The following IQANK1 variants were observed in gnomAD, a reference collection of about 807,000 sequenced individuals.
The protein encoded by IQANK1 is IQ motif and ankyrin repeat domain-containing protein 1.
In IQANK1, 30 loss-of-function variants were observed where a neutral mutation model predicts 22.6. The observed-to-expected ratio is 1.33, with a 90% CI of 0.99 to 1.80. The LOEUF (loss-of-function observed/expected upper bound fraction) is 1.80. Among genes scored for constraint, IQANK1 ranks in the 40% most tolerant of loss-of-function variants. The probability of loss-of-function intolerance (pLI) is 0.00; values close to 1 mark genes in which losing one functional copy is unlikely to be tolerated. For missense variants in IQANK1, 275 were observed against 235.2 expected (o/e 1.17, Z -1.11); for synonymous variants, 122 against 99.6 (o/e 1.23, Z -1.34).
intron 7 of IQANK1, among the ~76,000 whole-genome samples, chr8:143,780,827 T>C (rs1819784047): frequency 1.3e-5 from 2 of 152,232 alleles, no homozygotes; most frequent in Admixed American, 1.3e-4. Context: ...TTTATATTCC[T>C]CTGGGTATAT....
chr8:143,790,319 CCACCCTGGCCT>C lies in IQANK1; in HGVS notation c.1425-26_1425-16del. Reference sequence around the variant, plus strand: ...TACACCCCACCCCACCTCCCTAGCCCCACCCTGGCCTCACCAGCCTCATGGGGCAGGTATGG... The same window carrying C: ...TACACCCCACCCCACCTCCCTAGCCCCACCAGCCTCATGGGGCAGGTATGG... On this transcript the variant is annotated intron_variant, in intron 13 of 13. Transcript: ENST00000527139. 1 of 1,228,578 alleles carries C rather than the reference CCACCCTGGCCT, an allele frequency of 8.1e-7. No homozygotes were observed. Among genetic ancestry groups the C allele is most frequent in the Non-Finnish European group, 1.0e-6 (1 of 984,788 alleles). 76.1% of individuals were successfully genotyped at this position (1,228,578 alleles called of 1,614,324 possible). A position where few individuals can be genotyped will look rare whatever the true frequency, so the allele number is the denominator to read the frequency against.
intron 7 of IQANK1, among the ~76,000 whole-genome samples, chr8:143,777,932 C>T (rs1016723865): frequency 7.2e-5 from 11 of 152,120 alleles, no homozygotes; most frequent in Non-Finnish European, 2.9e-5. Flanking sequence ...CGGTGGCTCA[C>T]GCCTGTAATC....
chr8:143,752,342 T>C (rs1035612254), intron 3 of IQANK1, among the ~76,000 whole-genome samples: 1 of 152,196 alleles, frequency 6.6e-6, no homozygotes, highest in Non-Finnish European at 1.5e-5. Flanking sequence ...TGCTTGTCAT[T>C]TTATTGAGGA....
At chr8:143,738,008 C>A (rs1202367108) in intron 2 of IQANK1, among the ~76,000 whole-genome samples, 1 of 152,226 alleles carries the variant, frequency 6.6e-6, no homozygotes, top group Non-Finnish European at 1.5e-5. Context: ...CGGCACCGGT[C>A]TCGAGGCTGC....
intron 3 of IQANK1, among the ~76,000 whole-genome samples, chr8:143,740,730 C>T (rs1479839077): frequency 6.6e-6 from 1 of 152,200 alleles, no homozygotes; most frequent in East Asian, 1.9e-4. Context: ...AGCCACCTGT[C>T]CTCCCCAGCC....
At chr8:143,764,857 A>T (rs1554629109) in intron 3 of IQANK1, among the ~76,000 whole-genome samples, 1 of 152,158 alleles carries the variant, frequency 6.6e-6, no homozygotes, top group African/African-American at 2.4e-5. Flanking sequence ...AAAATCTCTT[A>T]AAAATTGTGT....
At chr8:143,740,274 G>A (rs986105281) in intron 3 of IQANK1, among the ~76,000 whole-genome samples, 4 of 151,972 alleles carry the variant, frequency 2.6e-5, no homozygotes, top group Non-Finnish European at 2.9e-5. Context: ...CCTCCATCCC[G>A]GGTCCGCCGC....
intron 7 of IQANK1, among the ~76,000 whole-genome samples, chr8:143,777,196 A>G (rs1724291582): frequency 6.6e-6 from 1 of 152,070 alleles, no homozygotes. Flanking sequence ...ATACATTATC[A>G]TATATACATA....
intron 3 of IQANK1, among the ~76,000 whole-genome samples, chr8:143,748,976 AT>A (rs1442091445): frequency 2.7e-5 from 3 of 112,794 alleles, no homozygotes; most frequent in Non-Finnish European, 5.1e-5. Flanking sequence ...TCATATATAA[AT>A]ATATCATATA....
At chr8:143,787,752 C>T (rs1393169755) in intron 7 of IQANK1, among the ~76,000 whole-genome samples, 1 of 150,936 alleles carries the variant, frequency 6.6e-6, no homozygotes, top group Non-Finnish European at 1.5e-5. Flanking sequence ...GCGCACCCCA[C>T]CTCCTTCCCC....
At chr8:143,768,663 T>C (rs934684804) in intron 3 of IQANK1, among the ~76,000 whole-genome samples, 5 of 152,176 alleles carry the variant, frequency 3.3e-5, no homozygotes, top group Admixed American at 2.0e-4. Context: ...TTTGTATCAC[T>C]GTGGACTCAC....
chr8:143,788,528 C>T (rs564581944), intron 7 of IQANK1, among the ~76,000 whole-genome samples: 4 of 152,198 alleles, frequency 2.6e-5, no homozygotes, highest in Non-Finnish European at 5.9e-5. Context: ...GCACATCCTG[C>T]GGGCCAGCCT....
Position 143,771,532 on chromosome 8 carries a change from C to A in IQANK1, c.220C>A (p.Arg74=), listed in dbSNP as rs1819573275. ...GGCCAGAGCGATCCAGGGCGCCTTC[C>A]GGCAGCTCCGGGCCAGGAGGGAGCT... is the stretch of plus-strand genomic sequence containing the variant. ...RAARAIQGAF[R]QLRARRELAR... Residue 74 remains arginine (R), a synonymous_variant, in exon 4 of 14, where the codon CGG becomes AGG. Transcript: ENST00000527139. This position sits in a 1 kb window ranked among gnomAD's most constrained non-coding sequence, Gnocchi z 6.0. 1 of 398,024 alleles carries A rather than the reference C, an allele frequency of 2.5e-6. No individual in the cohort carries two copies. 24.7% of individuals were successfully genotyped at this position (398,024 alleles called of 1,614,324 possible).
chr8:143,772,345 C>A lies in IQANK1; in HGVS notation c.664-12C>A. On this transcript the variant is annotated splice_polypyrimidine_tract_variant and intron_variant, in intron 6 of 13. Transcript: ENST00000527139. ...CAAGGCCTGGATCTTGCTCGGGGGG[C>A]CCGTCTTGCAGGGCGCTTTCGGTCC... The A allele has an allele frequency of 2.5e-6, 1 of 398,950 alleles. No individual in the cohort carries two copies. Among genetic ancestry groups the A allele is most frequent in the Non-Finnish European group, 4.4e-6 (1 of 226,076 alleles). 24.7% of individuals were successfully genotyped at this position (398,950 alleles called of 1,614,324 possible).
At chr8:143,759,567 T>C (rs1819356507) in intron 3 of IQANK1, 1 of 152,248 alleles carries the variant, frequency 6.6e-6, no homozygotes, top group African/African-American at 2.4e-5. Flanking sequence ...CCAGGGGTCA[T>C]GTCAATTTGC....
Position 143,739,931 on chromosome 8 carries a change from G to A in IQANK1, c.158G>A (p.Ser53Asn). The change falls in exon 3 of 14, where the codon AGC becomes AAC. Residue 53 changes from serine (S) to asparagine (N), a missense_variant. By Grantham distance (46) the Ser-to-Asn change is conservative (BLOSUM62 1). Coordinates refer to ENST00000527139, the MANE Select transcript of IQANK1 (RefSeq NM_001381874.1). ...GCGAGGGAGCCCGCGTCGGCTGAGA[G>A]CCCACAGGCCCCCACAGGTGAGAGC... ...WQAREPASAE[S>N]PQAPTGPAED... 1.4e-6 allele frequency: 1 copy of A among 698,994 alleles called. No homozygotes were observed. 43.3% of individuals were successfully genotyped at this position (698,994 alleles called of 1,614,324 possible). A position where few individuals can be genotyped will look rare whatever the true frequency, so the allele number is the denominator to read the frequency against.
chr8:143,759,937 G>A (rs1356802406), intron 3 of IQANK1: 3 of 152,208 alleles, frequency 2.0e-5, no homozygotes, highest in Non-Finnish European at 4.4e-5. Context: ...ACACACTCAG[G>A]AGCTTGCAAA....
Position 143,735,154 on chromosome 8 carries a change from C to T in IQANK1, c.-4-696C>T, listed in dbSNP as rs533518056. Among the ~76,000 whole-genome samples, 25 of 152,356 alleles carry T rather than the reference C, an allele frequency of 1.6e-4. No homozygotes were observed. Among genetic ancestry groups the T allele is most frequent in the Admixed American group, 5.9e-4 (9 of 15,310 alleles). ...GTGCCACCCCACTGGTACCAGCATG[C>T]TGGAAACATGGGTGGGGGGTCAGAC... On this transcript the variant is annotated intron_variant, in intron 1 of 13. Transcript: ENST00000527139. The surrounding 1 kb of genome is among the most constrained non-coding windows in gnomAD (Gnocchi z 5.2).
At position 143,748,857 on chromosome 8, in the gene IQANK1, A is replaced by T. The variant is rs186480053; in HGVS notation, c.175+8909A>T. Among the ~76,000 whole-genome samples, 216 of 73,468 alleles carry T rather than the reference A, an allele frequency of 2.9e-3. 4 individuals carry two copies. The highest frequency in any genetic ancestry group is 0.029 in the Middle Eastern group (1 of 34). 48.2% of individuals were successfully genotyped at this position (73,468 alleles called of 152,430 possible). A position where few individuals can be genotyped will look rare whatever the true frequency, so the allele number is the denominator to read the frequency against. ...CATATATAAATATATAAATATATATATCATATATAAATATATAAATATATA... is the reference window on the plus strand; with the variant it reads ...CATATATAAATATATAAATATATATTTCATATATAAATATATAAATATATA... On this transcript the variant is annotated intron_variant, in intron 3 of 13. Coordinates refer to ENST00000527139, the MANE Select transcript of IQANK1 (RefSeq NM_001381874.1).
Sources: gnomAD v4.1 joint callset for allele counts (sites outside exome capture counted in the v4.1 genomes callset) on GRCh38, gnomAD v4.1.1 for gene constraint, Gnocchi (gnomAD v3.1) non-coding constraint, MANE v1.5 for transcripts, NCBI Gene and HGNC (gene_info 2026-07-23, HGNC 2026-07-21) for gene names.